Variants in RIOK1 observed in about 807,000 individuals in gnomAD.
The protein encoded by RIOK1 is serine/threonine-protein kinase RIO1.
A neutral mutation model predicts 73.5 loss-of-function variants in RIOK1; 66 were observed. The observed-to-expected ratio is 0.90, with a 90% CI of 0.74 to 1.10. The LOEUF (loss-of-function observed/expected upper bound fraction) is 1.10. Among genes scored for constraint, RIOK1 ranks in the 50% least tolerant of loss-of-function variants. The probability of loss-of-function intolerance (pLI) is 0.00; values close to 1 mark genes in which losing one functional copy is unlikely to be tolerated. For missense variants in RIOK1, 658 were observed against 699.8 expected (o/e 0.94, Z 0.67); for synonymous variants, 224 against 226.8 (o/e 0.99, Z 0.11).
intron 8 of RIOK1, among the ~76,000 whole-genome samples, chr6:7,403,350 T>A (rs1483532232): frequency 1.3e-5 from 2 of 152,230 alleles, no homozygotes; most frequent in Non-Finnish European, 2.9e-5. Flanking sequence ...AGTTTCCTTT[T>A]CTTAGTCCAG....
At chr6:7,398,034 C>T (rs1358325300) in intron 4 of RIOK1, among the ~76,000 whole-genome samples, 1 of 152,026 alleles carries the variant, frequency 6.6e-6, no homozygotes, top group East Asian at 1.9e-4. Flanking sequence ...CCCAGCTACT[C>T]GGGAGGCTGA....
chr6:7,412,209 A>G (rs373529866), intron 14 of RIOK1, among the ~76,000 whole-genome samples: 234 of 151,750 alleles, frequency 1.5e-3, no homozygotes, highest in Middle Eastern at 0.014. Context: ...AAAAATACAA[A>G]AATTAGCCAG....
intron 13 of RIOK1, among the ~76,000 whole-genome samples, chr6:7,410,810 T>C (rs1352792833): frequency 6.6e-6 from 1 of 152,244 alleles, no homozygotes; most frequent in Non-Finnish European, 1.5e-5. Flanking sequence ...TTAAATATTA[T>C]GCTTTGATAA....
chr6:7,414,855 A>C (rs1761961052), intron 16 of RIOK1, among the ~76,000 whole-genome samples: 1 of 152,156 alleles, frequency 6.6e-6, no homozygotes, highest in Non-Finnish European at 1.5e-5. Context: ...ATAAGTTTTA[A>C]ATTGCTCACC....
At chr6:7,402,946 C>A in intron 8 of RIOK1, 49 bp downstream of exon 8, 1 of 1,522,084 alleles carries the variant, frequency 6.6e-7, no homozygotes, top group East Asian at 2.3e-5. Context: ...TGTACATGAA[C>A]ATCAGCCCTT....
At chr6:7,416,629 CA>C (rs1762008875) in intron 16 of RIOK1, among the ~76,000 whole-genome samples, 2 of 135,076 alleles carry the variant, frequency 1.5e-5, no homozygotes, top group South Asian at 4.9e-4. Context: ...GCCTGGGCGA[CA>C]GAGACTCCGT....
At chr6:7,403,864 T>C in intron 8 of RIOK1, 77 bp from the exon 9 acceptor site, 2 of 906,114 alleles carry the variant, frequency 2.2e-6, no homozygotes, top group Non-Finnish European at 3.6e-6. Flanking sequence ...AATATTAATC[T>C]TGGGACCTGC....
At chr6:7,411,581 C>G in intron 14 of RIOK1, 130 bp downstream of exon 14, 1 of 944,936 alleles carries the variant, frequency 1.1e-6, no homozygotes, top group Non-Finnish European at 1.6e-6. Context: ...ATGACTAACT[C>G]TATCTGTGTT....
At chr6:7,390,156 T>C (rs1761293156) in intron 1 of RIOK1, 83 bp downstream of exon 1, 1 of 1,150,710 alleles carries the variant, frequency 8.7e-7, no homozygotes, top group East Asian at 2.6e-5. Context: ...TGTTTGCGGT[T>C]TAGAGGGAGA....
At chr6:7,397,608 A>T (rs1167646853) in intron 4 of RIOK1, among the ~76,000 whole-genome samples, 1 of 152,216 alleles carries the variant, frequency 6.6e-6, no homozygotes, top group Non-Finnish European at 1.5e-5. Context: ...CGACACTAAG[A>T]TCATACAACT....
intron 8 of RIOK1, 66 bp downstream of exon 8, chr6:7,402,963 A>G: frequency 1.4e-6 from 2 of 1,428,134 alleles, no homozygotes; most frequent in South Asian, 1.3e-5. Flanking sequence ...CCTTCCTCCC[A>G]GCAGATCCCA....
chr6:7,417,475 C>T lies in RIOK1; in HGVS notation c.*34C>T, dbSNP rs1258911853. ...CCATATTATGTACAGTCATTTTCCT[C>T]AGTTCCTTTTCTCGCCTGAACTCTT... On this transcript the variant is annotated 3_prime_UTR_variant, in exon 17 of 17. Transcript: ENST00000379834. 8.9e-6 allele frequency: 12 copies of T among 1,347,560 alleles called. No homozygotes were observed. Among genetic ancestry groups the T allele is most frequent in the Non-Finnish European group, 1.2e-5 (12 of 986,198 alleles). The allele number at this position is 1,347,560 out of a possible 1,614,324, so 83.5% of individuals were successfully genotyped here.
rs999543372 is a variant in RIOK1, at chr6:7,395,239, C to T, written c.367+96C>T. 1.1e-5 allele frequency: 15 copies of T among 1,389,282 alleles called. No homozygotes were observed. The African/African-American group carries it at 1.1e-4, about 11-fold the overall frequency. The allele number at this position is 1,389,282 out of a possible 1,614,324, so 86.1% of individuals were successfully genotyped here. On this transcript the variant is annotated intron_variant, in intron 3 of 16. Transcript: ENST00000379834. ...ATTAGATCAAGAAATGAAGGCTGGCCGTGGTGGCTCACGCCTGTAATCCCG... is the reference window on the plus strand; with the variant it reads ...ATTAGATCAAGAAATGAAGGCTGGCTGTGGTGGCTCACGCCTGTAATCCCG...
At chr6:7,401,898 C>A (rs577282539) in intron 6 of RIOK1, among the ~76,000 whole-genome samples, 1 of 152,064 alleles carries the variant, frequency 6.6e-6, no homozygotes, top group South Asian at 2.1e-4. Flanking sequence ...AGGCTGGTCT[C>A]AAATTTTTGG....
rs530692908 is a variant in RIOK1, at chr6:7,411,037, A to G, written c.1270-295A>G. On this transcript the variant is annotated intron_variant, in intron 13 of 16. Coordinates refer to ENST00000379834, the MANE Select transcript of RIOK1 (RefSeq NM_031480.3). ...CCTCCTGCTCAGAAAAGCTTTTTGGAACAAAAATGAAGGAGAAGTGTTATT... is the reference window on the plus strand; with the variant it reads ...CCTCCTGCTCAGAAAAGCTTTTTGGGACAAAAATGAAGGAGAAGTGTTATT... Among the ~76,000 whole-genome samples, 489 of 152,320 alleles carry G rather than the reference A, an allele frequency of 3.2e-3. 5 individuals carry two copies. The highest frequency in any genetic ancestry group is 4.1e-3 in the Non-Finnish European group (277 of 68,022).
chr6:7,414,109 A>G, intron 15 of RIOK1, 129 bp from the exon 16 acceptor site: 1 of 752,950 alleles, frequency 1.3e-6, no homozygotes, highest in Non-Finnish European at 2.1e-6. Flanking sequence ...ATGTTTCAGT[A>G]CAGGATGTTA....
intron 11 of RIOK1, 40 bp from the exon 12 acceptor site, chr6:7,405,209 T>C (rs762389673): frequency 7.7e-7 from 1 of 1,302,940 alleles, no homozygotes; most frequent in Non-Finnish European, 1.1e-6. Flanking sequence ...ATAATATTTT[T>C]CCTCATAAAA....
At chr6:7,395,221 C>A in intron 3 of RIOK1, 78 bp downstream of exon 3, 1 of 1,492,816 alleles carries the variant, frequency 6.7e-7, no homozygotes, top group Non-Finnish European at 9.1e-7. Context: ...TTTATTAGAT[C>A]AAGAAATGAA....
chr6:7,412,908 C>A lies in RIOK1; in HGVS notation c.1409C>A (p.Thr470Lys). The A allele has an allele frequency of 6.5e-7, 1 of 1,545,668 alleles. No homozygotes were observed. The highest frequency in any genetic ancestry group is 8.7e-7 in the Non-Finnish European group (1 of 1,148,520). The part of the protein sequence containing the change: ...QQDNILYQTV[T>K]GLKKDLSGVQ... ...TATAAGATTCTATACCAGACTGTTA[C>A]AGGATTGAAGAAAGATTTGTCAGGA... The change falls in exon 15 of 17, where the codon ACA becomes AAA. Residue 470 changes from threonine to lysine, a missense_variant. Thr to Lys is a moderately conservative substitution (Grantham distance 78). Transcript: ENST00000379834.
Sources: allele counts gnomAD v4.1 joint callset (sites outside exome capture counted in the v4.1 genomes callset), GRCh38; gene constraint gnomAD v4.1.1; transcripts MANE v1.5; gene names NCBI Gene and HGNC (gene_info 2026-07-23, HGNC 2026-07-21).